Variants in ERICH1 observed in about 807,000 individuals in gnomAD.
The protein encoded by ERICH1 is glutamate rich 1, also known as glutamate-rich protein 1.
A neutral mutation model predicts 39.6 loss-of-function variants in ERICH1; 56 were observed. That is an observed-to-expected ratio of 1.41 (90% CI 1.14 to 1.77). The LOEUF (loss-of-function observed/expected upper bound fraction) is 1.77. Among genes scored for constraint, ERICH1 ranks in the 40% most tolerant of loss-of-function variants. ERICH1 has a pLI of 0.00. For synonymous variants in ERICH1, 313 were observed against 223.6 expected, an observed-to-expected ratio of 1.40 and a Z score of -3.57; for missense variants, 826 against 575.4, an observed-to-expected ratio of 1.44 and a Z score of -4.45.
chr8:664,348 G>A lies in ERICH1; in HGVS notation c.*255C>T. The A allele has an allele frequency of 8.9e-7, 1 of 1,124,368 alleles. No homozygotes were observed. Among genetic ancestry groups the A allele is most frequent in the Non-Finnish European group, 1.1e-6 (1 of 919,536 alleles). The allele number at this position is 1,124,368 out of a possible 1,614,324, so 69.6% of individuals were successfully genotyped here. ...TGTCCATTTTCAATTTTTACAATAAGTAGAGAAACAGAATCAAGTTTTATG... is the reference window on the plus strand; with the variant it reads ...TGTCCATTTTCAATTTTTACAATAAATAGAGAAACAGAATCAAGTTTTATG... On this transcript the variant is annotated 3_prime_UTR_variant, in exon 6 of 6. Transcript: ENST00000262109.
intron 2 of ERICH1, among the ~76,000 whole-genome samples, chr8:707,208 CT>C (rs71528615): frequency 0.14 from 19,078 of 135,932 alleles, 1,603 homozygotes; most frequent in East Asian, 0.44. Context: ...TTTTTTGTTT[CT>C]TTTTTTTTTT....
chr8:619,670 C>T (rs1375974440), intron 3 of ERICH1, among the ~76,000 whole-genome samples: 2 of 152,080 alleles, frequency 1.3e-5, no homozygotes, highest in African/African-American at 4.8e-5. Flanking sequence ...AGATTATATA[C>T]AGTAGTAATT....
chr8:631,758 T>G (rs939223889), intron 3 of ERICH1, among the ~76,000 whole-genome samples: 2 of 152,176 alleles, frequency 1.3e-5, no homozygotes, highest in Non-Finnish European at 2.9e-5. Context: ...TGGAACGTTC[T>G]CAGCTTCCCG....
chr8:618,676 G>A (rs1287663129), intron 3 of ERICH1, among the ~76,000 whole-genome samples: 4 of 152,262 alleles, frequency 2.6e-5, no homozygotes, highest in South Asian at 2.1e-4. Context: ...GACTAACTGC[G>A]TTATCACACA....
intron 2 of ERICH1, among the ~76,000 whole-genome samples, 175 bp from the exon 3 acceptor site, chr8:692,787 C>T (rs1205527818): frequency 1.3e-5 from 2 of 152,108 alleles, no homozygotes; most frequent in Non-Finnish European, 2.9e-5. Context: ...AAGTATTGTG[C>T]CAGAAAAGCA....
intron 1 of ERICH1, among the ~76,000 whole-genome samples, chr8:729,216 C>T (rs188622005): frequency 6.6e-6 from 1 of 152,228 alleles, no homozygotes; most frequent in Non-Finnish European, 1.5e-5. Flanking sequence ...GACGCCAAGT[C>T]AGTTCTGTGT....
At chr8:691,374 T>C (rs1022774804) in intron 3 of ERICH1, among the ~76,000 whole-genome samples, 2 of 152,254 alleles carry the variant, frequency 1.3e-5, no homozygotes, top group South Asian at 4.1e-4. Context: ...GGAAGCAGTG[T>C]TGGCTCATGG....
Position 668,725 on chromosome 8 carries a change from C to T in ERICH1, c.1131G>A (p.Ala377=), listed in dbSNP as rs769448521. The T allele has an allele frequency of 8.1e-6, 13 of 1,613,874 alleles. No individual in the cohort carries two copies. Among genetic ancestry groups the T allele is most frequent in the Admixed American group, 1.7e-5 (1 of 60,024 alleles). The change falls in exon 5 of 6, where the codon GCG becomes GCA. Residue 377 remains alanine, a synonymous_variant. Coordinates refer to ENST00000262109, the MANE Select transcript of ERICH1 (RefSeq NM_207332.3). ...CGTCTGAGGGCAGCATGCTGTGTGACGCAAGGCGGTCCAGCAGCTCCTCAG... is the reference window on the plus strand; with the variant it reads ...CGTCTGAGGGCAGCATGCTGTGTGATGCAAGGCGGTCCAGCAGCTCCTCAG... ...DAAEELLDRL[A]SHSMLPSDVS...
chr8:641,374 C>G (rs1245114375), intron 3 of ERICH1, among the ~76,000 whole-genome samples: 2 of 152,150 alleles, frequency 1.3e-5, no homozygotes, highest in African/African-American at 4.8e-5. Flanking sequence ...TTTACAGGGC[C>G]TCATTTTCAA....
chr8:631,385 G>C (rs1462663597), intron 3 of ERICH1, among the ~76,000 whole-genome samples: 1 of 152,218 alleles, frequency 6.6e-6, no homozygotes, highest in Non-Finnish European at 1.5e-5. Context: ...GCTACTCAGA[G>C]AGAGGTGTGC....
intron 4 of ERICH1, among the ~76,000 whole-genome samples, chr8:670,045 G>GCTCT (rs2131827601): frequency 6.6e-6 from 1 of 152,208 alleles, no homozygotes; most frequent in South Asian, 2.1e-4. Flanking sequence ...TGTCTGCCGG[G>GCTCT]CTCTTTCCTG....
chr8:683,620 C>T (rs1806649728), intron 3 of ERICH1, among the ~76,000 whole-genome samples: 1 of 152,218 alleles, frequency 6.6e-6, no homozygotes, highest in South Asian at 2.1e-4. Flanking sequence ...ATGCCAGCTG[C>T]AGGACATCAT....
At chr8:721,601 G>A (rs1563356834) in intron 1 of ERICH1, among the ~76,000 whole-genome samples, 1 of 152,210 alleles carries the variant, frequency 6.6e-6, no homozygotes, top group Non-Finnish European at 1.5e-5. Context: ...GCATGGCACT[G>A]ATGCCCTTGC....
chr8:652,662 C>A (rs1167168607), intron 3 of ERICH1, among the ~76,000 whole-genome samples: 1 of 152,184 alleles, frequency 6.6e-6, no homozygotes, highest in Non-Finnish European at 1.5e-5. Context: ...AGGGTGTCTT[C>A]ATTCCTAGGA....
intron 5 of ERICH1, 71 bp from the exon 6 acceptor site, chr8:664,747 T>C: frequency 1.5e-6 from 2 of 1,312,354 alleles, no homozygotes; most frequent in Non-Finnish European, 2.1e-6. Context: ...TATTATTATG[T>C]AGACACGAGC....
chr8:678,320 G>A (rs1035363898), intron 3 of ERICH1, among the ~76,000 whole-genome samples: 2 of 152,132 alleles, frequency 1.3e-5, no homozygotes, highest in African/African-American at 2.4e-5. Flanking sequence ...GTGCCGATAC[G>A]TCTTGTTGGT....
rs1296690872 is a variant in ERICH1 at position 664,480 on chromosome 8, G to A, written c.*123C>T. 8.3e-6 allele frequency: 11 copies of A among 1,318,298 alleles called. No homozygotes were observed. Among genetic ancestry groups the A allele is most frequent in the Admixed American group, 3.3e-5 (1 of 30,180 alleles). 81.7% of individuals were successfully genotyped at this position (1,318,298 alleles called of 1,614,324 possible). A position where few individuals can be genotyped will look rare whatever the true frequency, so the allele number is the denominator to read the frequency against. On this transcript the variant is annotated 3_prime_UTR_variant, in exon 6 of 6. Coordinates refer to ENST00000262109, the MANE Select transcript of ERICH1 (RefSeq NM_207332.3). ...CATCTTGCCCACCAGGAACAAACAC[G>A]TGAATAAATAATATGGCATAAATGT...
chr8:721,445 C>A (rs939384523), intron 1 of ERICH1, among the ~76,000 whole-genome samples: 1 of 152,210 alleles, frequency 6.6e-6, no homozygotes, highest in Non-Finnish European at 1.5e-5. Flanking sequence ...ACGGACACGG[C>A]GCCACTTGGG....
intron 3 of ERICH1, among the ~76,000 whole-genome samples, chr8:658,666 C>T (rs866694013): frequency 1.3e-5 from 2 of 152,286 alleles, no homozygotes; most frequent in Middle Eastern, 3.4e-3. Context: ...CAGGGCGGTC[C>T]TGACCCAATC....
Sources: gnomAD v4.1 joint callset for allele counts (sites outside exome capture counted in the v4.1 genomes callset) on GRCh38, gnomAD v4.1.1 for gene constraint, MANE v1.5 for transcripts, NCBI Gene and HGNC (gene_info 2026-07-23, HGNC 2026-07-21) for gene names.